CSMD3: variants seen among roughly 807,000 people sequenced by gnomAD.
CSMD3 encodes CUB and sushi domain-containing protein 3.
A neutral mutation model predicts 435.2 loss-of-function variants in CSMD3; 177 were observed. That is an observed-to-expected ratio of 0.41 (90% CI 0.36 to 0.46). CSMD3 has a LOEUF of 0.46. Among genes scored for constraint, CSMD3 ranks in the 20% least tolerant of loss-of-function variants. CSMD3 has a pLI of 0.34. For synonymous variants in CSMD3, 1,656 were observed against 1,520.5 expected, an observed-to-expected ratio of 1.09 and a Z score of -2.07; for missense variants, 4,265 against 4,504.6, an observed-to-expected ratio of 0.95 and a Z score of 1.52.
chr8:112,944,208 C>A (rs1360286625), intron 9 of CSMD3, among the ~76,000 whole-genome samples: 3 of 151,568 alleles, frequency 2.0e-5, no homozygotes, highest in South Asian at 2.1e-4. Context: ...TTCCTAGATG[C>A]GGCGTTACTA....
rs2084834114 is a variant in CSMD3, at chr8:112,976,018, G to A, written c.1161C>T (p.Ile387=). The A allele has an allele frequency of 6.2e-7, 1 of 1,614,008 alleles. No individual in the cohort carries two copies. Among genetic ancestry groups the A allele is most frequent in the African/African-American group, 1.3e-5 (1 of 75,014 alleles). Residue 387 remains isoleucine (I), a synonymous_variant, in exon 7 of 71, where the codon ATC becomes ATT. Coordinates refer to ENST00000297405, the MANE Select transcript of CSMD3 (RefSeq NM_198123.2). ...VTVSSVTAVT[I]HRLSEEQRVQ... ...CTCGCTGTTCCTCGGAAAGTCTATGGATGGTGACAGCTGTAACACTGGATA... is the reference window on the plus strand; with the variant it reads ...CTCGCTGTTCCTCGGAAAGTCTATGAATGGTGACAGCTGTAACACTGGATA...
At chr8:112,945,101 C>T (rs2083562616) in intron 9 of CSMD3, among the ~76,000 whole-genome samples, 1 of 151,646 alleles carries the variant, frequency 6.6e-6, no homozygotes, top group South Asian at 2.1e-4. Context: ...GATGTTCACA[C>T]TTTATTAAAC....
At chr8:112,781,915 A>G (rs1364927887) in intron 13 of CSMD3, among the ~76,000 whole-genome samples, 2 of 152,140 alleles carry the variant, frequency 1.3e-5, no homozygotes, top group East Asian at 1.9e-4. Context: ...GTCACAAAAT[A>G]CTTAATCACA....
At chr8:113,064,405 T>C (rs1305393320) in intron 5 of CSMD3, among the ~76,000 whole-genome samples, 2 of 152,108 alleles carry the variant, frequency 1.3e-5, no homozygotes, top group Non-Finnish European at 2.9e-5. Flanking sequence ...TTATTTAACA[T>C]GTTCACAGAG....
chr8:113,404,373 C>G (rs773400218), intron 1 of CSMD3, among the ~76,000 whole-genome samples: 1 of 151,276 alleles, frequency 6.6e-6, no homozygotes, highest in Non-Finnish European at 1.5e-5. Flanking sequence ...TAAGCATAAA[C>G]ATACAATGAA....
intron 38 of CSMD3, among the ~76,000 whole-genome samples, chr8:112,376,117 A>C (rs1310194102): frequency 6.6e-6 from 1 of 152,114 alleles, no homozygotes; most frequent in Non-Finnish European, 1.5e-5. Context: ...TATTCCCTGA[A>C]TTTCCTAAAT....
At position 112,301,905 on chromosome 8, in the gene CSMD3, TGAA is replaced by T; in HGVS notation, c.8325_8327del (p.Ser2776del). ...AGGTAAAGATAGCTGTTGAGCCATA[TGAA>T]GTTTGAGTTCCAATCTTATTTCCAT... On this transcript the variant is annotated inframe_deletion, in exon 53 of 71. Coordinates refer to ENST00000297405, the MANE Select transcript of CSMD3 (RefSeq NM_198123.2). 1 of 1,613,202 alleles carries T rather than the reference TGAA, an allele frequency of 6.2e-7. No individual in the cohort carries two copies. Among genetic ancestry groups the T allele is most frequent in the Non-Finnish European group, 8.5e-7 (1 of 1,179,236 alleles).
intron 3 of CSMD3, among the ~76,000 whole-genome samples, chr8:113,179,667 TA>T (rs2092396041): frequency 6.6e-6 from 1 of 151,724 alleles, no homozygotes; most frequent in Admixed American, 6.6e-5. Flanking sequence ...AATTGCAGGC[TA>T]AAAAATCCAG....
At chr8:112,419,620 A>G (rs1345359770) in intron 32 of CSMD3, among the ~76,000 whole-genome samples, 4 of 152,162 alleles carry the variant, frequency 2.6e-5, no homozygotes, top group Admixed American at 6.5e-5. Context: ...CATAATATCT[A>G]CTTTCAGATT....
chr8:112,766,307 T>TG (rs1238844073), intron 13 of CSMD3, among the ~76,000 whole-genome samples: 18 of 151,734 alleles, frequency 1.2e-4, no homozygotes, highest in African/African-American at 4.3e-4. Context: ...AATATATTTT[T>TG]TTTTTTGGTC....
intron 2 of CSMD3, chr8:113,309,468 G>A (rs1461796481): frequency 1.3e-5 from 2 of 152,140 alleles, no homozygotes; most frequent in East Asian, 3.9e-4. Flanking sequence ...TCACTTATAA[G>A]TGAGAACATG....
chr8:113,254,422 A>G (rs1178706250), intron 3 of CSMD3, among the ~76,000 whole-genome samples: 1 of 152,174 alleles, frequency 6.6e-6, no homozygotes, highest in Non-Finnish European at 1.5e-5. Context: ...TGTCAACCAC[A>G]TGCACAGTAA....
intron 68 of CSMD3, among the ~76,000 whole-genome samples, chr8:112,233,608 T>G (rs149552372): frequency 2.0e-5 from 3 of 152,286 alleles, no homozygotes; most frequent in African/African-American, 7.2e-5. Flanking sequence ...TATTGAAACT[T>G]ATCGAAGGCT....
intron 22 of CSMD3, among the ~76,000 whole-genome samples, chr8:112,616,141 T>G (rs1481266274): frequency 6.6e-6 from 1 of 152,136 alleles, no homozygotes. Context: ...TTACATAATC[T>G]CAAGTGCCTT....
At chr8:113,161,171 G>A (rs1466657966) in intron 4 of CSMD3, among the ~76,000 whole-genome samples, 1 of 152,122 alleles carries the variant, frequency 6.6e-6, no homozygotes, top group Non-Finnish European at 1.5e-5. Context: ...CTAAGTCAGT[G>A]ATGATAGATT....
At chr8:112,423,848 G>T (rs979055497) in intron 32 of CSMD3, among the ~76,000 whole-genome samples, 1 of 152,062 alleles carries the variant, frequency 6.6e-6, no homozygotes, top group Admixed American at 6.6e-5. Context: ...TTGTCCCAAA[G>T]CTTTTATATA....
At chr8:112,482,007 T>C (rs1352946674) in intron 31 of CSMD3, among the ~76,000 whole-genome samples, 9 of 146,986 alleles carry the variant, frequency 6.1e-5, no homozygotes, top group Non-Finnish European at 1.4e-4. Context: ...TTTTTAATAC[T>C]AAAAAAAAAA....
intron 10 of CSMD3, among the ~76,000 whole-genome samples, chr8:112,875,773 A>G (rs2081265416): frequency 6.6e-6 from 1 of 151,948 alleles, no homozygotes; most frequent in Admixed American, 6.6e-5. Flanking sequence ...TCATCAGGTC[A>G]TTTATGTTTT....
intron 3 of CSMD3, among the ~76,000 whole-genome samples, chr8:113,179,349 A>T (rs1265361553): frequency 2.0e-5 from 3 of 151,818 alleles, no homozygotes; most frequent in African/African-American, 7.2e-5. Flanking sequence ...TTATATTATG[A>T]TCTTCTAGAG....
Sources: gnomAD v4.1 joint callset for allele counts (sites outside exome capture counted in the v4.1 genomes callset) on GRCh38, gnomAD v4.1.1 for gene constraint, MANE v1.5 for transcripts, NCBI Gene and HGNC (gene_info 2026-07-23, HGNC 2026-07-21) for gene names.